Variants in PDE7B observed in about 807,000 individuals in gnomAD.
The protein encoded by PDE7B is 3',5'-cyclic-AMP phosphodiesterase 7B.
In PDE7B, 29 loss-of-function variants were observed where a neutral mutation model predicts 56.2. That is an observed-to-expected ratio of 0.52 (90% CI 0.38 to 0.70). The LOEUF (loss-of-function observed/expected upper bound fraction) is 0.70, where lower values mean the gene tolerates loss of function less well. PDE7B is among the 30% of genes least tolerant of loss of function. PDE7B has a pLI of 0.00. For missense variants in PDE7B, 490 were observed against 565.0 expected, an observed-to-expected ratio of 0.87 and a Z score of 1.35; for synonymous variants, 197 against 196.9, an observed-to-expected ratio of 1.00 and a Z score of 0.00.
intron 1 of PDE7B, among the ~76,000 whole-genome samples, chr6:135,946,448 T>C (rs564277695): frequency 6.6e-6 from 1 of 152,232 alleles, no homozygotes; most frequent in South Asian, 2.1e-4. Flanking sequence ...TGTCATAGGG[T>C]ATGAACATTT....
intron 1 of PDE7B, among the ~76,000 whole-genome samples, chr6:135,887,100 A>G (rs1775722781): frequency 6.6e-6 from 1 of 152,006 alleles, no homozygotes. Context: ...TTTCATTTGC[A>G]TTTCCCTGAT....
At chr6:135,862,964 G>A (rs1033292035) in intron 1 of PDE7B, among the ~76,000 whole-genome samples, 1 of 151,962 alleles carries the variant, frequency 6.6e-6, no homozygotes, top group Non-Finnish European at 1.5e-5. Context: ...AACAAATTGG[G>A]ATGTCCTAGT....
chr6:136,150,855 A>ATGTGTGTG (rs60877369), intron 5 of PDE7B, among the ~76,000 whole-genome samples: 13,619 of 150,580 alleles, frequency 0.09, 2,088 homozygotes, highest in African/African-American at 0.31. Flanking sequence ...ACATATACAC[A>ATGTGTGTG]TGTGTGTGTG....
intron 2 of PDE7B, among the ~76,000 whole-genome samples, chr6:135,976,503 C>T (rs1775190089): frequency 6.6e-6 from 1 of 152,126 alleles, no homozygotes; most frequent in Non-Finnish European, 1.5e-5. Flanking sequence ...AAACAGACCT[C>T]AAAGAAGATG....
chr6:136,132,395 T>TA (rs1393449371), intron 3 of PDE7B, among the ~76,000 whole-genome samples: 9 of 152,136 alleles, frequency 5.9e-5, no homozygotes, highest in Admixed American at 5.2e-4. Flanking sequence ...CCCTTTCCTG[T>TA]AAAGAGCAGG....
intron 2 of PDE7B, among the ~76,000 whole-genome samples, chr6:136,108,140 A>AAAG (rs1554280190): frequency 1.1e-4 from 17 of 150,178 alleles, no homozygotes; most frequent in African/African-American, 3.9e-4. Flanking sequence ...AAAAAAAAAA[A>AAAG]AAAGAAAGAA....
chr6:136,116,002 C>T (rs1231482345), intron 3 of PDE7B, among the ~76,000 whole-genome samples: 2 of 152,162 alleles, frequency 1.3e-5, no homozygotes, highest in African/African-American at 4.8e-5. Flanking sequence ...TTCTGCTACC[C>T]TCAAAGAGCA....
intron 1 of PDE7B, among the ~76,000 whole-genome samples, chr6:135,857,461 C>T (rs779897586): frequency 6.6e-6 from 1 of 151,958 alleles, no homozygotes; most frequent in East Asian, 1.9e-4. Context: ...TTCTTTTGTT[C>T]TGGCGTGGGG....
intron 2 of PDE7B, among the ~76,000 whole-genome samples, chr6:135,988,240 G>T (rs2128204898): frequency 6.6e-6 from 1 of 152,258 alleles, no homozygotes; most frequent in East Asian, 1.9e-4. Flanking sequence ...GCCTGTAGAA[G>T]AAGGATTTGA....
intron 3 of PDE7B, among the ~76,000 whole-genome samples, chr6:136,115,665 T>C (rs1051613179): frequency 6.6e-6 from 1 of 152,144 alleles, no homozygotes; most frequent in African/African-American, 2.4e-5. Context: ...GGATGAAAAA[T>C]AGAAAATTGA....
chr6:136,124,487 A>T (rs1238914618), intron 3 of PDE7B, among the ~76,000 whole-genome samples: 1 of 152,252 alleles, frequency 6.6e-6, no homozygotes, highest in Admixed American at 6.5e-5. Context: ...ATATAAAACA[A>T]TGTCAAATGA....
chr6:136,101,599 G>A (rs750856293), intron 2 of PDE7B, among the ~76,000 whole-genome samples: 3 of 151,966 alleles, frequency 2.0e-5, no homozygotes, highest in Non-Finnish European at 2.9e-5. Context: ...TTCTGTCTTC[G>A]CCTACTTTTC....
At chr6:136,122,844 T>C (rs1777959596) in intron 3 of PDE7B, among the ~76,000 whole-genome samples, 1 of 152,186 alleles carries the variant, frequency 6.6e-6, no homozygotes, top group Admixed American at 6.5e-5. Context: ...CATGGAAGAC[T>C]CTAGAGATCA....
intron 8 of PDE7B, among the ~76,000 whole-genome samples, chr6:136,165,040 T>C (rs965725731): frequency 2.0e-5 from 3 of 152,200 alleles, no homozygotes; most frequent in Non-Finnish European, 4.4e-5. Flanking sequence ...AGTTTAGATA[T>C]CAACTCTGAA....
chr6:135,981,140 T>G (rs1775286595), intron 2 of PDE7B, among the ~76,000 whole-genome samples: 1 of 151,788 alleles, frequency 6.6e-6, no homozygotes, highest in Non-Finnish European at 1.5e-5. Context: ...TGTGGGGACA[T>G]GGATGAAAGT....
At chr6:135,874,336 TCTTA>T (rs1775449151) in intron 1 of PDE7B, among the ~76,000 whole-genome samples, 1 of 152,190 alleles carries the variant, frequency 6.6e-6, no homozygotes, top group Non-Finnish European at 1.5e-5. Flanking sequence ...TGAGTTTTCT[TCTTA>T]CTTTCTTTCT....
intron 1 of PDE7B, among the ~76,000 whole-genome samples, chr6:135,919,195 C>T (rs1330917177): frequency 6.6e-6 from 1 of 152,156 alleles, no homozygotes; most frequent in East Asian, 1.9e-4. Flanking sequence ...CCAAGCCAAT[C>T]TTTCCACTTG....
chr6:135,853,785 A>C (rs1454900386), intron 1 of PDE7B, among the ~76,000 whole-genome samples: 1 of 152,154 alleles, frequency 6.6e-6, no homozygotes, highest in Non-Finnish European at 1.5e-5. Flanking sequence ...TGTGTCAGGG[A>C]CAGGCATTAA....
chr6:136,132,661 G>A (rs1044474213), intron 3 of PDE7B, among the ~76,000 whole-genome samples: 4 of 152,102 alleles, frequency 2.6e-5, no homozygotes, highest in African/African-American at 4.8e-5. Flanking sequence ...CCCTAGCCTC[G>A]TATGGATTGA....
Sources: allele counts gnomAD v4.1 joint callset (sites outside exome capture counted in the v4.1 genomes callset), GRCh38; gene constraint gnomAD v4.1.1; transcripts MANE v1.5; gene names NCBI Gene and HGNC (gene_info 2026-07-23, HGNC 2026-07-21).